The following LRRTM4 variants were observed in gnomAD, a reference collection of about 807,000 sequenced individuals.
LRRTM4 encodes the protein leucine-rich repeat transmembrane neuronal protein 4.
In LRRTM4, 25 loss-of-function variants were observed where a neutral mutation model predicts 47.6. The observed-to-expected ratio is 0.53, with a 90% confidence interval of 0.38 to 0.73. The LOEUF is 0.73. LRRTM4 is among the 30% of genes least tolerant of loss of function. The pLI, the probability that LRRTM4 is intolerant of heterozygous loss-of-function variation, is 0.00. For missense variants in LRRTM4, 638 were observed against 713.4 expected (o/e 0.89, Z 1.20); for synonymous variants, 311 against 269.5 (o/e 1.15, Z -1.51).
At chr2:77,138,825 T>A (rs1010169230) in intron 3 of LRRTM4, among the ~76,000 whole-genome samples, 2 of 152,084 alleles carry the variant, frequency 1.3e-5, no homozygotes, top group African/African-American at 4.8e-5. Flanking sequence ...TAAATTACCA[T>A]CAAAGAATAC....
intron 3 of LRRTM4, among the ~76,000 whole-genome samples, chr2:76,785,781 C>G (rs1449968536): frequency 6.6e-6 from 1 of 151,966 alleles, no homozygotes; most frequent in African/African-American, 2.4e-5. Context: ...CATATTTAAA[C>G]TTATAGCATG....
chr2:77,325,042 A>G (rs1670705334), intron 3 of LRRTM4, among the ~76,000 whole-genome samples: 1 of 152,162 alleles, frequency 6.6e-6, no homozygotes, highest in Non-Finnish European at 1.5e-5. Flanking sequence ...CCACTGAAGC[A>G]GCTACTATTT....
At chr2:77,051,804 T>C (rs1553378027) in intron 3 of LRRTM4, among the ~76,000 whole-genome samples, 1 of 152,180 alleles carries the variant, frequency 6.6e-6, no homozygotes, top group Non-Finnish European at 1.5e-5. Flanking sequence ...GACTTTTTTT[T>C]CACTCTATTT....
intron 3 of LRRTM4, among the ~76,000 whole-genome samples, chr2:77,252,774 T>A (rs1675656590): frequency 6.6e-6 from 1 of 152,124 alleles, no homozygotes; most frequent in Non-Finnish European, 1.5e-5. Flanking sequence ...GGGACATTCC[T>A]GGATTTGGGG....
intron 3 of LRRTM4, among the ~76,000 whole-genome samples, chr2:77,340,390 A>C (rs1460503715): frequency 2.6e-5 from 4 of 151,996 alleles, no homozygotes. Context: ...CTGTTCTATA[A>C]GACTGCTATA....
chr2:76,902,345 A>AT (rs1316879036), intron 3 of LRRTM4, among the ~76,000 whole-genome samples: 2 of 152,154 alleles, frequency 1.3e-5, no homozygotes, highest in Non-Finnish European at 2.9e-5. Context: ...AATAACCATG[A>AT]TTTAAAAAAA....
At chr2:76,910,680 A>G (rs1674022256) in intron 3 of LRRTM4, among the ~76,000 whole-genome samples, 2 of 152,220 alleles carry the variant, frequency 1.3e-5, no homozygotes. Context: ...AAGAGTTATT[A>G]CAATAAAATA....
At chr2:77,439,028 A>G (rs1038814964) in intron 3 of LRRTM4, among the ~76,000 whole-genome samples, 2 of 152,188 alleles carry the variant, frequency 1.3e-5, no homozygotes, top group Non-Finnish European at 2.9e-5. Context: ...ATTCAAGTCA[A>G]AGAGTAACTC....
At chr2:77,040,355 A>T (rs1390327885) in intron 3 of LRRTM4, among the ~76,000 whole-genome samples, 1 of 151,454 alleles carries the variant, frequency 6.6e-6, no homozygotes, top group East Asian at 1.9e-4. Flanking sequence ...AATAACTAAA[A>T]ATAAACAGCT....
At chr2:76,788,723 C>A (rs943938439) in intron 3 of LRRTM4, among the ~76,000 whole-genome samples, 4 of 152,146 alleles carry the variant, frequency 2.6e-5, no homozygotes, top group Non-Finnish European at 4.4e-5. Flanking sequence ...TATATCTATT[C>A]TATCAATGTG....
intron 3 of LRRTM4, among the ~76,000 whole-genome samples, chr2:76,875,191 G>A (rs549674937): frequency 6.6e-6 from 1 of 152,098 alleles, no homozygotes; most frequent in African/African-American, 2.4e-5. Context: ...ATGCACATAT[G>A]AAGAGTCTGC....
At chr2:77,212,790 T>TAGAG (rs1674332187) in intron 3 of LRRTM4, among the ~76,000 whole-genome samples, 1 of 152,092 alleles carries the variant, frequency 6.6e-6, no homozygotes, top group South Asian at 2.1e-4. Context: ...CAAATTTACC[T>TAGAG]CTAATACAAT....
intron 3 of LRRTM4, among the ~76,000 whole-genome samples, chr2:77,265,278 G>A (rs1047248712): frequency 2.0e-5 from 3 of 152,070 alleles, no homozygotes; most frequent in Admixed American, 2.0e-4. Context: ...TGTCCCCAAA[G>A]TTCGTATGTT....
rs576081012 is a variant in LRRTM4, at chr2:77,084,490, C to T, written c.1552-335574G>A. Among the ~76,000 whole-genome samples the T allele has an allele frequency of 7.9e-5, 12 of 152,290 alleles. No individual in the cohort carries two copies. In the East Asian group the frequency reaches 1.5e-3, roughly 20 times the overall value. ...TCTTTCTCACAGCCAGACATAACTA[C>T]GTATCGTACTTAATATTTCCATATT... is the stretch of plus-strand genomic sequence containing the variant. On this transcript the variant is annotated intron_variant, in intron 3 of 3. Coordinates refer to ENST00000409884, the MANE Select transcript of LRRTM4 (RefSeq NM_001134745.3).
chr2:77,521,677 G>C lies in LRRTM4; in HGVS notation c.-6C>G. 6.2e-7 allele frequency: 1 copy of C among 1,611,970 alleles called. No individual in the cohort carries two copies. The highest frequency in any genetic ancestry group is 8.5e-7 in the Non-Finnish European group (1 of 1,179,038). On this transcript the variant is annotated 5_prime_UTR_variant, in exon 2 of 4. Coordinates refer to ENST00000409884, the MANE Select transcript of LRRTM4 (RefSeq NM_001134745.3). Reference sequence around the variant, plus strand: ...ACAAAAGTTCACTTACCCATCCTTTGTCATCCAAAAACGTTTCCCCCCTCT... The same window carrying C: ...ACAAAAGTTCACTTACCCATCCTTTCTCATCCAAAAACGTTTCCCCCCTCT...
intron 3 of LRRTM4, among the ~76,000 whole-genome samples, chr2:77,483,074 T>C (rs1454735993): frequency 1.6e-5 from 2 of 126,016 alleles, no homozygotes; most frequent in Non-Finnish European, 3.1e-5. Flanking sequence ...CGAGCCGAGA[T>C]TGTGCCATTG....
intron 3 of LRRTM4, among the ~76,000 whole-genome samples, chr2:76,877,027 G>A (rs1297886426): frequency 1.3e-5 from 2 of 152,014 alleles, no homozygotes; most frequent in South Asian, 2.1e-4. Flanking sequence ...ATGATTTTAT[G>A]AATGTGGGCA....
intron 3 of LRRTM4, among the ~76,000 whole-genome samples, chr2:77,381,446 A>G (rs1199619713): frequency 1.3e-5 from 2 of 152,118 alleles, no homozygotes; most frequent in Admixed American, 6.6e-5. Flanking sequence ...GCAAGGGAGC[A>G]AATTGCTTTA....
At chr2:76,764,287 G>C (rs986198014) in intron 3 of LRRTM4, among the ~76,000 whole-genome samples, 1 of 152,184 alleles carries the variant, frequency 6.6e-6, no homozygotes, top group African/African-American at 2.4e-5. Flanking sequence ...ATGTTCTAAA[G>C]AGAACAATAA....
Sources: allele counts gnomAD v4.1 joint callset (sites outside exome capture counted in the v4.1 genomes callset), GRCh38; gene constraint gnomAD v4.1.1; transcripts MANE v1.5; gene names NCBI Gene and HGNC (gene_info 2026-07-23, HGNC 2026-07-21).